The following MAGI2 variants were observed in gnomAD, a reference collection of about 807,000 sequenced individuals.
MAGI2 encodes the protein membrane-associated guanylate kinase, WW and PDZ domain-containing protein 2.
MAGI2 carries 35 observed loss-of-function variants against 133.3 expected under a neutral mutation model. The observed-to-expected ratio is 0.26, with a 90% CI of 0.20 to 0.35. The LOEUF (loss-of-function observed/expected upper bound fraction) is 0.35. Ranked by LOEUF, MAGI2 falls within the 10% of genes least tolerant of loss-of-function variation. The pLI, the probability that MAGI2 is intolerant of heterozygous loss-of-function variation, is 1.00. For synonymous variants in MAGI2, 729 were observed against 710.6 expected, an observed-to-expected ratio of 1.03 and a Z score of -0.41; for missense variants, 1,636 against 1,863.4, an observed-to-expected ratio of 0.88 and a Z score of 2.25.
chr7:79,332,960 A>G (rs1840192153), intron 1 of MAGI2, among the ~76,000 whole-genome samples: 1 of 152,068 alleles, frequency 6.6e-6, no homozygotes, highest in Non-Finnish European at 1.5e-5. Context: ...TCCTCATCCA[A>G]ATATTTTATT....
At chr7:78,054,889 G>A (rs1000156343) in intron 21 of MAGI2, among the ~76,000 whole-genome samples, 2 of 152,048 alleles carry the variant, frequency 1.3e-5, no homozygotes, top group South Asian at 4.1e-4. Flanking sequence ...CTGGGCTCAA[G>A]CGATCTTCCT....
Position 78,803,487 on chromosome 7 carries a change from AT to A in MAGI2, c.419-176249del, listed in dbSNP as rs200081762. On this transcript the variant is annotated intron_variant, in intron 2 of 21. Coordinates refer to ENST00000354212, the MANE Select transcript of MAGI2 (RefSeq NM_012301.4). The stretch of plus-strand genomic sequence containing the variant: ...AAAATCTGGAAGCTTACATTTATTT[AT>A]TTTTTTTTTTTGCAATGAGCAGAGT... 8.6e-3 allele frequency among the ~76,000 whole-genome samples: 1,296 copies of A among 151,220 alleles called. 41 individuals carry two copies. Among genetic ancestry groups the A allele is most frequent in the Admixed American group, 0.05 (764 of 15,146 alleles).
intron 6 of MAGI2, among the ~76,000 whole-genome samples, chr7:78,474,951 T>TA (rs938051170): frequency 6.1e-4 from 93 of 151,384 alleles, no homozygotes; most frequent in Middle Eastern, 6.9e-3. Flanking sequence ...TGTTGTAAAA[T>TA]AAAAAAAAAC....
At chr7:78,828,477 G>A (rs149486726) in intron 2 of MAGI2, among the ~76,000 whole-genome samples, 133 of 152,106 alleles carry the variant, frequency 8.7e-4, no homozygotes, top group African/African-American at 3.1e-3. Flanking sequence ...TCATCTGAGA[G>A]ACATTCTATA....
intron 21 of MAGI2, among the ~76,000 whole-genome samples, chr7:78,033,828 A>G (rs1415890005): frequency 6.6e-6 from 1 of 152,096 alleles, no homozygotes; most frequent in Non-Finnish European, 1.5e-5. Context: ...TGGTGGTGGA[A>G]GAGGTGGAAG....
At chr7:79,071,804 C>G (rs968530746) in intron 1 of MAGI2, among the ~76,000 whole-genome samples, 1 of 152,102 alleles carries the variant, frequency 6.6e-6, no homozygotes, top group East Asian at 1.9e-4. Context: ...TGGCAGACAC[C>G]CCTCCCCACC....
chr7:78,925,688 C>T (rs1799639835), intron 2 of MAGI2, among the ~76,000 whole-genome samples: 1 of 151,900 alleles, frequency 6.6e-6, no homozygotes, highest in African/African-American at 2.4e-5. Flanking sequence ...TTAATTTAGA[C>T]ATTAAAGAGA....
chr7:78,756,770 C>A (rs1277712077), intron 2 of MAGI2, among the ~76,000 whole-genome samples: 3 of 152,134 alleles, frequency 2.0e-5, no homozygotes, highest in African/African-American at 7.2e-5. Context: ...TCATTTCTTA[C>A]CCACCCAGCT....
chr7:79,083,229 G>C (rs1007921258), intron 1 of MAGI2, among the ~76,000 whole-genome samples: 1 of 150,614 alleles, frequency 6.6e-6, no homozygotes. Flanking sequence ...AATAGAAGTG[G>C]TATGAGCATA....
chr7:79,225,265 T>G (rs1189022523), intron 1 of MAGI2, among the ~76,000 whole-genome samples: 2 of 152,204 alleles, frequency 1.3e-5, no homozygotes, highest in African/African-American at 4.8e-5. Context: ...ATAAAAGTTT[T>G]ATTTATTTTT....
At chr7:78,747,246 G>A (rs941015306) in intron 2 of MAGI2, among the ~76,000 whole-genome samples, 2 of 152,088 alleles carry the variant, frequency 1.3e-5, no homozygotes, top group African/African-American at 2.4e-5. Context: ...ATTAAATAAT[G>A]CGGTTTTATA....
intron 1 of MAGI2, among the ~76,000 whole-genome samples, chr7:79,048,635 T>C (rs554675826): frequency 1.3e-5 from 2 of 152,216 alleles, no homozygotes; most frequent in African/African-American, 4.8e-5. Flanking sequence ...AATATTAGTA[T>C]AGGTTCTGCT....
intron 2 of MAGI2, among the ~76,000 whole-genome samples, chr7:78,999,295 G>A (rs1450488535): frequency 6.6e-6 from 1 of 151,896 alleles, no homozygotes; most frequent in Non-Finnish European, 1.5e-5. Context: ...TACTGTTGGT[G>A]CTTATTCCTT....
intron 3 of MAGI2, among the ~76,000 whole-genome samples, chr7:78,606,546 A>G (rs552448029): frequency 1.3e-5 from 2 of 152,238 alleles, no homozygotes; most frequent in South Asian, 2.1e-4. Context: ...ATTTTTTCTT[A>G]CATGTTTTTC....
At chr7:78,443,879 C>A (rs1340336322) in intron 6 of MAGI2, among the ~76,000 whole-genome samples, 1 of 152,052 alleles carries the variant, frequency 6.6e-6, no homozygotes, top group Non-Finnish European at 1.5e-5. Flanking sequence ...ACCTGTCATT[C>A]CTCTTTCTTT....
At chr7:78,110,145 T>G (rs543232717) in intron 20 of MAGI2, among the ~76,000 whole-genome samples, 47 of 152,310 alleles carry the variant, frequency 3.1e-4, no homozygotes, top group Non-Finnish European at 5.9e-4. Context: ...AGGGAGGCAG[T>G]ATTTGAAAAC....
intron 2 of MAGI2, among the ~76,000 whole-genome samples, chr7:78,735,890 C>T (rs573856957): frequency 6.6e-6 from 1 of 152,212 alleles, no homozygotes; most frequent in South Asian, 2.1e-4. Flanking sequence ...ATACAACCAA[C>T]AATTTGTACA....
chr7:79,122,995 C>G (rs1371085295), intron 1 of MAGI2, among the ~76,000 whole-genome samples: 1 of 152,096 alleles, frequency 6.6e-6, no homozygotes, highest in Non-Finnish European at 1.5e-5. Context: ...AGAATAGAGC[C>G]ATTTAACTTT....
chr7:79,244,891 G>T, intron 1 of MAGI2, among the ~76,000 whole-genome samples: 1 of 152,152 alleles, frequency 6.6e-6, no homozygotes, highest in East Asian at 1.9e-4. Flanking sequence ...AGAGGACTTT[G>T]TCTTACAACT....
Sources: gnomAD v4.1 joint callset for allele counts (sites outside exome capture counted in the v4.1 genomes callset) on GRCh38, gnomAD v4.1.1 for gene constraint, MANE v1.5 for transcripts, NCBI Gene and HGNC (gene_info 2026-07-23, HGNC 2026-07-21) for gene names.